Variants in LIMCH1 observed in about 807,000 individuals in gnomAD.
The protein encoded by LIMCH1 is LIM and calponin homology domains-containing protein 1.
A neutral mutation model predicts 176.5 loss-of-function variants in LIMCH1; 113 were observed. The observed-to-expected ratio is 0.64, with a 90% CI of 0.55 to 0.75. The LOEUF (loss-of-function observed/expected upper bound fraction) is 0.75, where lower values mean the gene tolerates loss of function less well. Among genes scored for constraint, LIMCH1 ranks in the 30% least tolerant of loss-of-function variants. LIMCH1 has a pLI of 0.00. For synonymous variants in LIMCH1, 619 were observed against 645.9 expected (o/e 0.96, Z 0.63); for missense variants, 1,674 against 1,814.9 (o/e 0.92, Z 1.41).
intron 1 of LIMCH1, among the ~76,000 whole-genome samples, chr4:41,364,603 C>CCTA (rs2052683738): frequency 6.6e-6 from 1 of 152,140 alleles, no homozygotes; most frequent in African/African-American, 2.4e-5. Context: ...AATATCTACT[C>CCTA]ATAAAGTGAT....
chr4:41,549,243 T>C (rs1445815434), intron 1 of LIMCH1, among the ~76,000 whole-genome samples: 1 of 152,204 alleles, frequency 6.6e-6, no homozygotes, highest in Non-Finnish European at 1.5e-5. Context: ...CAGATATTAA[T>C]CTAATAATAG....
At chr4:41,391,312 G>A (rs1031245856) in intron 1 of LIMCH1, among the ~76,000 whole-genome samples, 1 of 152,142 alleles carries the variant, frequency 6.6e-6, no homozygotes, top group Non-Finnish European at 1.5e-5. Context: ...TGATCCAATT[G>A]TTGGCAATTT....
chr4:41,677,732 A>G (rs1170119805), intron 23 of LIMCH1, among the ~76,000 whole-genome samples: 1 of 152,212 alleles, frequency 6.6e-6, no homozygotes, highest in Non-Finnish European at 1.5e-5. Flanking sequence ...TTAATTGCCC[A>G]AGGTTACACA....
intron 2 of LIMCH1, among the ~76,000 whole-genome samples, chr4:41,599,706 C>T (rs1386967294): frequency 6.6e-6 from 1 of 152,126 alleles, no homozygotes; most frequent in African/African-American, 2.4e-5. Flanking sequence ...AAACATTTTC[C>T]ACTTTAGCCA....
chr4:41,598,518 A>G (rs989077842), intron 1 of LIMCH1, among the ~76,000 whole-genome samples: 4 of 151,564 alleles, frequency 2.6e-5, no homozygotes, highest in African/African-American at 9.8e-5. Flanking sequence ...CTAAAGATGA[A>G]AAACCTTTTT....
chr4:41,547,518 T>TAAC (rs909945346), intron 1 of LIMCH1, among the ~76,000 whole-genome samples: 7 of 150,812 alleles, frequency 4.6e-5, no homozygotes, highest in South Asian at 2.1e-4. Context: ...GCTAATAATT[T>TAAC]AAGTTTCGCA....
intron 2 of LIMCH1, among the ~76,000 whole-genome samples, chr4:41,522,058 G>A: frequency 6.6e-6 from 1 of 152,240 alleles, no homozygotes; most frequent in East Asian, 1.9e-4. Flanking sequence ...GAATTTTGGG[G>A]TAGGACATTT....
chr4:41,367,682 TCCA>T lies in LIMCH1; in HGVS notation c.96+6747_96+6749del, dbSNP rs1442725833. On this transcript the variant is annotated intron_variant, in intron 1 of 26. Coordinates refer to the LIMCH1 transcript ENST00000313860. ...AGTGAAACCCTGTCTCTACTAAAAA[TCCA>T]AAAAAAAAAAAAAAAAAAAAAGGAA... 1.3e-4 allele frequency among the ~76,000 whole-genome samples: 8 copies of T among 60,896 alleles called. 1 individual carries two copies. The East Asian group carries it at 2.3e-3, about 17-fold the overall frequency. 40.0% of individuals were successfully genotyped at this position (60,896 alleles called of 152,430 possible). A position where few individuals can be genotyped will look rare whatever the true frequency, so the allele number is the denominator to read the frequency against.
At chr4:41,599,234 G>T (rs2089488658) in intron 2 of LIMCH1, 1 of 396,430 alleles carries the variant, frequency 2.5e-6, no homozygotes, top group Non-Finnish European at 4.6e-6. Flanking sequence ...TTTTTTGAAT[G>T]CAAAATTCTT....
At chr4:41,505,112 C>A (rs1041529705) in intron 2 of LIMCH1, among the ~76,000 whole-genome samples, 1 of 152,142 alleles carries the variant, frequency 6.6e-6, no homozygotes, top group African/African-American at 2.4e-5. Context: ...ACATAGCAGG[C>A]ACTTAAATGT....
intron 1 of LIMCH1, among the ~76,000 whole-genome samples, chr4:41,482,112 C>A (rs1378530156): frequency 6.6e-6 from 1 of 152,144 alleles, no homozygotes; most frequent in East Asian, 1.9e-4. Flanking sequence ...ATGCGATCTG[C>A]CTGCCTTGGC....
At chr4:41,590,296 G>A (rs931716931) in intron 1 of LIMCH1, among the ~76,000 whole-genome samples, 1 of 152,020 alleles carries the variant, frequency 6.6e-6, no homozygotes, top group Non-Finnish European at 1.5e-5. Context: ...TCGCCACATT[G>A]CCCAGGCTGG....
chr4:41,695,325 TG>T (rs1007368162), intron 31 of LIMCH1, among the ~76,000 whole-genome samples: 3 of 151,446 alleles, frequency 2.0e-5, no homozygotes, highest in South Asian at 2.1e-4. Context: ...CTTCTAGAAT[TG>T]TTTTTTTTTT....
At chr4:41,557,420 C>T (rs893007963) in intron 1 of LIMCH1, among the ~76,000 whole-genome samples, 2 of 152,036 alleles carry the variant, frequency 1.3e-5, no homozygotes, top group Non-Finnish European at 2.9e-5. Context: ...TTACAAGAAT[C>T]GATGGAAGAG....
At chr4:41,385,749 G>T (rs2056408789) in intron 1 of LIMCH1, 1 of 152,164 alleles carries the variant, frequency 6.6e-6, no homozygotes, top group South Asian at 2.1e-4. Context: ...GATGCCCTGG[G>T]TGACTCTGTG....
chr4:41,636,291 T>C (rs2093585687), intron 13 of LIMCH1, among the ~76,000 whole-genome samples: 1 of 149,832 alleles, frequency 6.7e-6, no homozygotes, highest in African/African-American at 2.4e-5. Flanking sequence ...AATTTTTACC[T>C]CATAACCTAT....
chr4:41,595,081 A>G (rs1317692935), intron 1 of LIMCH1, among the ~76,000 whole-genome samples: 1 of 152,108 alleles, frequency 6.6e-6, no homozygotes, highest in Non-Finnish European at 1.5e-5. Flanking sequence ...TAAAGGGTTT[A>G]TTTACTGTTC....
chr4:41,412,155 G>A, intron 1 of LIMCH1, among the ~76,000 whole-genome samples: 1 of 152,070 alleles, frequency 6.6e-6, no homozygotes, highest in East Asian at 1.9e-4. Flanking sequence ...CATCCTCACA[G>A]CGGGGCATTG....
intron 19 of LIMCH1, among the ~76,000 whole-genome samples, chr4:41,662,141 A>C (rs1054442035): frequency 1.3e-5 from 2 of 152,210 alleles, no homozygotes; most frequent in Admixed American, 1.3e-4. Context: ...CCACTTGAGA[A>C]ACATAATTTG....
Sources: gnomAD v4.1 joint callset for allele counts (sites outside exome capture counted in the v4.1 genomes callset) on GRCh38, gnomAD v4.1.1 for gene constraint, MANE v1.5 for transcripts, NCBI Gene and HGNC (gene_info 2026-07-23, HGNC 2026-07-21) for gene names.